Variants in PRKG1 observed in about 807,000 individuals in gnomAD.
PRKG1 encodes the protein cGMP-dependent protein kinase 1.
Under a neutral mutation model 88.1 loss-of-function variants are expected in PRKG1, and 35 were observed. The ratio of observed to expected loss-of-function variants is 0.40; its 90% CI spans 0.30 to 0.53. The LOEUF (loss-of-function observed/expected upper bound fraction) is 0.53, where lower values mean the gene tolerates loss of function less well. Among genes scored for constraint, PRKG1 ranks in the 20% least tolerant of loss-of-function variants. The probability of loss-of-function intolerance (pLI) is 0.59; values close to 1 mark genes in which losing one functional copy is unlikely to be tolerated. For synonymous variants in PRKG1, 303 were observed against 292.5 expected, an observed-to-expected ratio of 1.04 and a Z score of -0.37; for missense variants, 540 against 839.8, an observed-to-expected ratio of 0.64 and a Z score of 4.41.
chr10:51,647,599 T>C (rs895600243), intron 3 of PRKG1, among the ~76,000 whole-genome samples: 9 of 152,196 alleles, frequency 5.9e-5, no homozygotes, highest in Non-Finnish European at 1.3e-4. Context: ...AATGACTAAT[T>C]GTTTGATAGT....
At chr10:51,874,881 T>C (rs1841255027) in intron 4 of PRKG1, among the ~76,000 whole-genome samples, 1 of 152,150 alleles carries the variant, frequency 6.6e-6, no homozygotes, top group South Asian at 2.1e-4. Context: ...GGGAAGATTG[T>C]GTGAAATTAG....
intron 5 of PRKG1, among the ~76,000 whole-genome samples, chr10:52,044,657 T>C (rs1845823453): frequency 6.6e-6 from 1 of 152,186 alleles, no homozygotes; most frequent in African/African-American, 2.4e-5. Flanking sequence ...AACCAAACAC[T>C]TTTCCAGATT....
chr10:51,083,881 C>G (rs527502582), intron 1 of PRKG1, among the ~76,000 whole-genome samples: 2 of 152,320 alleles, frequency 1.3e-5, no homozygotes, highest in South Asian at 2.1e-4. Flanking sequence ...CTAATGGTCT[C>G]TGCTAGGAGC....
rs1196800828 is a variant in PRKG1, at chr10:51,708,456, G to A, written c.593-96129G>A. 2.6e-5 allele frequency among the ~76,000 whole-genome samples: 4 copies of A among 152,118 alleles called. No homozygotes were observed. In the East Asian group the frequency reaches 7.7e-4, roughly 29 times the overall value. ...TAACCTCTAGGAAAAGAAAAAATGG[G>A]TAATTGTTGGCATTCAGAATACTCT... On this transcript the variant is annotated intron_variant, in intron 3 of 17. Transcript: ENST00000373980.
chr10:52,294,214 G>A lies in PRKG1; in HGVS notation c.*314G>A. On this transcript the variant is annotated 3_prime_UTR_variant, in exon 18 of 18. Coordinates refer to ENST00000373980, the MANE Select transcript of PRKG1 (RefSeq NM_006258.4). ...TCTGATTATAATTTGAAAGACTGTA[G>A]GAAACACTTCAATGTAGTATAAGAG... The A allele has an allele frequency of 4.2e-6, 1 of 236,190 alleles. No individual in the cohort carries two copies. The highest frequency in any genetic ancestry group is 8.2e-6 in the Non-Finnish European group (1 of 121,454). 14.6% of individuals were successfully genotyped at this position (236,190 alleles called of 1,614,324 possible).
intron 4 of PRKG1, among the ~76,000 whole-genome samples, chr10:51,831,867 G>A (rs2132754256): frequency 6.6e-6 from 1 of 152,228 alleles, no homozygotes; most frequent in African/African-American, 2.4e-5. Context: ...AGAAAGAAAG[G>A]AAGAATAGGA....
chr10:51,366,713 C>T (rs1842597665), intron 2 of PRKG1, among the ~76,000 whole-genome samples: 2 of 151,892 alleles, frequency 1.3e-5, no homozygotes, highest in African/African-American at 2.4e-5. Flanking sequence ...TATATCCTTA[C>T]TTATTTAGAC....
chr10:51,732,320 C>T (rs1019101241), intron 3 of PRKG1, among the ~76,000 whole-genome samples: 1 of 152,168 alleles, frequency 6.6e-6, no homozygotes, highest in African/African-American at 2.4e-5. Context: ...CAGGCCCTGT[C>T]TCCACATACA....
At chr10:51,102,577 T>C (rs915806766) in intron 1 of PRKG1, among the ~76,000 whole-genome samples, 1 of 152,172 alleles carries the variant, frequency 6.6e-6, no homozygotes, top group Non-Finnish European at 1.5e-5. Context: ...GCCAGACACA[T>C]TCCCTCTTGG....
intron 2 of PRKG1, among the ~76,000 whole-genome samples, chr10:51,210,204 C>T (rs1162508436): frequency 3.3e-5 from 5 of 152,138 alleles, no homozygotes; most frequent in African/African-American, 9.7e-5. Context: ...ACAACCTGCT[C>T]CTGAATGACT....
At chr10:51,518,714 A>C (rs61849820) in intron 3 of PRKG1, among the ~76,000 whole-genome samples, 37,125 of 152,124 alleles carry the variant, frequency 0.24, 4,923 homozygotes, top group Admixed American at 0.32. Context: ...GGTGGATTTG[A>C]AATGATGGCA....
At position 51,343,399 on chromosome 10, in the gene PRKG1, G is replaced by T. The variant is rs184416533; in HGVS notation, c.479-124324G>T. ...AATGTGGTTATTTCTGTTAAAATGG[G>T]GCTCTGGACACAGTTGGCATTCTGC... is the stretch of plus-strand genomic sequence containing the variant. On this transcript the variant is annotated intron_variant, in intron 2 of 17. Coordinates refer to ENST00000373980, the MANE Select transcript of PRKG1 (RefSeq NM_006258.4). Among the ~76,000 whole-genome samples, 11 of 152,042 alleles carry T rather than the reference G, an allele frequency of 7.2e-5. No homozygotes were observed. In the East Asian group the frequency reaches 1.9e-3, roughly 27 times the overall value.
intron 2 of PRKG1, among the ~76,000 whole-genome samples, chr10:51,253,727 A>G (rs1283587789): frequency 1.3e-5 from 2 of 151,956 alleles, no homozygotes; most frequent in Non-Finnish European, 2.9e-5. Flanking sequence ...AGCGAGGTGC[A>G]GAGGAGGCCA....
chr10:51,773,816 A>G (rs1838366239), intron 3 of PRKG1, among the ~76,000 whole-genome samples: 2 of 152,102 alleles, frequency 1.3e-5, no homozygotes, highest in Admixed American at 1.3e-4. Context: ...TAGAAAGTCT[A>G]GATTACTTAA....
At chr10:51,254,268 ACAC>A (rs1839500089) in intron 2 of PRKG1, among the ~76,000 whole-genome samples, 1 of 151,968 alleles carries the variant, frequency 6.6e-6, no homozygotes, top group Admixed American at 6.6e-5. Context: ...AGTATTTTGT[ACAC>A]CTATAAAGTG....
chr10:52,016,468 A>C (rs1176129915), intron 5 of PRKG1, among the ~76,000 whole-genome samples: 1 of 152,188 alleles, frequency 6.6e-6, no homozygotes, highest in Non-Finnish European at 1.5e-5. Context: ...TGGGGATTAC[A>C]ATTTGAGATG....
chr10:51,285,035 C>T (rs1227611710), intron 2 of PRKG1, among the ~76,000 whole-genome samples: 2 of 738 alleles, frequency 2.7e-3, no homozygotes, highest in Admixed American at 6.1e-3. Flanking sequence ...CCCAATGCTA[C>T]CCCTCCCGCC....
At chr10:52,156,399 C>T (rs1838099638) in intron 8 of PRKG1, among the ~76,000 whole-genome samples, 1 of 151,746 alleles carries the variant, frequency 6.6e-6, no homozygotes, top group African/African-American at 2.4e-5. Context: ...CTCTAAATTC[C>T]TCAAAGTTGT....
chr10:51,254,844 T>C (rs1024573427), intron 2 of PRKG1, among the ~76,000 whole-genome samples: 2 of 151,958 alleles, frequency 1.3e-5, no homozygotes. Context: ...CAAAAATAGA[T>C]CTATGGTATG....
Sources: allele counts gnomAD v4.1 joint callset (sites outside exome capture counted in the v4.1 genomes callset), GRCh38; gene constraint gnomAD v4.1.1; transcripts MANE v1.5; gene names NCBI Gene and HGNC (gene_info 2026-07-23, HGNC 2026-07-21).